The following TMEM242 variants were observed in gnomAD, a reference collection of about 807,000 sequenced individuals.
TMEM242 encodes the protein transmembrane protein 242.
In TMEM242, 10 loss-of-function variants were observed where a neutral mutation model predicts 18.2. The observed-to-expected ratio is 0.55, with a 90% CI of 0.34 to 0.93. The LOEUF is 0.93. Among genes scored for constraint, TMEM242 ranks in the 40% least tolerant of loss-of-function variants. The probability of loss-of-function intolerance (pLI) is 0.02; values close to 1 mark genes in which losing one functional copy is unlikely to be tolerated. For missense variants in TMEM242, 186 were observed against 175.5 expected (o/e 1.06, Z -0.34); for synonymous variants, 57 against 69.9 (o/e 0.81, Z 0.92).
rs587746113 is a variant in TMEM242 at position 157,306,215 on chromosome 6, G to A, written c.327+12567C>T. Among the ~76,000 whole-genome samples, 7 of 152,322 alleles carry A rather than the reference G, an allele frequency of 4.6e-5. No individual in the cohort carries two copies. In the East Asian group the frequency reaches 9.6e-4, roughly 21 times the overall value. On this transcript the variant is annotated intron_variant, in intron 3 of 3. Coordinates refer to ENST00000400788, the MANE Select transcript of TMEM242 (RefSeq NM_018452.6). ...GGTAACAGGAAGAAAGGCAGTGTGC[G>A]TGTTAAGTCCAGAGAAGGTGAAGGC...
chr6:157,303,405 A>G (rs957058518), intron 3 of TMEM242, among the ~76,000 whole-genome samples: 1 of 152,256 alleles, frequency 6.6e-6, no homozygotes, highest in Non-Finnish European at 1.5e-5. Flanking sequence ...ATATATTTCA[A>G]GTAAAGCTTT....
chr6:157,312,727 T>C (rs201615292), intron 3 of TMEM242, among the ~76,000 whole-genome samples: 27,921 of 141,054 alleles, frequency 0.2, 649 homozygotes, highest in East Asian at 0.41. Context: ...CTCATCTTAC[T>C]GTCCCAGTGT....
At chr6:157,311,280 G>A (rs797038419) in intron 3 of TMEM242, among the ~76,000 whole-genome samples, 1 of 7,748 alleles carries the variant, frequency 1.3e-4, no homozygotes, top group Non-Finnish European at 2.4e-4. Context: ...GTGCCCCCGT[G>A]TGCACACACC....
chr6:157,299,407 C>CCAT, intron 3 of TMEM242: 1 of 1,268,526 alleles, frequency 7.9e-7, no homozygotes, highest in South Asian at 1.2e-5. Context: ...TCACTCCACT[C>CCAT]CATACAGGAA....
chr6:157,305,579 A>C lies in TMEM242; in HGVS notation c.328-12580T>G, dbSNP rs587605432. On this transcript the variant is annotated intron_variant, in intron 3 of 3. Transcript: ENST00000400788. The surrounding 1 kb of genome is among the most constrained non-coding windows in gnomAD (Gnocchi z 4.1). The stretch of plus-strand genomic sequence containing the variant: ...TACTGTTTGTTTTAAAGTGGCAGGG[A>C]CTGGACGAAAGAGCCAAGGGGCGGA... Among the ~76,000 whole-genome samples, 14 of 152,302 alleles carry C rather than the reference A, an allele frequency of 9.2e-5. No homozygotes were observed. The South Asian group carries it at 2.9e-3, about 32-fold the overall frequency.
Position 157,318,903 on chromosome 6 carries a change from G to C in TMEM242, c.206C>G (p.Ala69Gly). 1 of 1,606,108 alleles carries C rather than the reference G, an allele frequency of 6.2e-7. No individual in the cohort carries two copies. Among genetic ancestry groups the C allele is most frequent in the Non-Finnish European group, 8.5e-7 (1 of 1,177,168 alleles). Residue 69 changes from alanine (A) to glycine (G), a missense_variant, in exon 3 of 4, where the codon GCT (alanine) becomes GGT (glycine). Coordinates refer to ENST00000400788, the MANE Select transcript of TMEM242 (RefSeq NM_018452.6). ...EWFNKGSMAT[A>G]ALPESGSSLA... The stretch of plus-strand genomic sequence containing the variant: ...GGAAGACCCGCTTTCCGGTAATGCA[G>C]CCGTGGCCATACTTCCCTGAAATGA...
At chr6:157,297,475 C>T (rs1777765830) in intron 3 of TMEM242, among the ~76,000 whole-genome samples, 2 of 152,132 alleles carry the variant, frequency 1.3e-5, no homozygotes, top group African/African-American at 4.8e-5. Context: ...TCTCAAATTC[C>T]GCAGCTGAGC....
At chr6:157,301,907 G>A (rs931459429) in intron 3 of TMEM242, among the ~76,000 whole-genome samples, 1 of 152,126 alleles carries the variant, frequency 6.6e-6, no homozygotes, top group Non-Finnish European at 1.5e-5. Context: ...ACTCCAGCCT[G>A]GGCGATAGAG....
intron 3 of TMEM242, among the ~76,000 whole-genome samples, chr6:157,294,592 C>T (rs1030656649): frequency 1.3e-5 from 2 of 151,956 alleles, no homozygotes; most frequent in Non-Finnish European, 2.9e-5. Flanking sequence ...CCTCGTGATC[C>T]GCCCGCCTCG....
At chr6:157,313,245 AGT>A (rs1562386057) in intron 3 of TMEM242, among the ~76,000 whole-genome samples, 3 of 2,014 alleles carry the variant, frequency 1.5e-3, no homozygotes, top group African/African-American at 4.4e-3. Flanking sequence ...AGTGTCGCAG[AGT>A]GTGCTCACCT....
At chr6:157,313,359 T>C (rs200925443) in intron 3 of TMEM242, among the ~76,000 whole-genome samples, 38 of 3,274 alleles carry the variant, frequency 0.012, no homozygotes, top group East Asian at 0.016. Flanking sequence ...TGCGCTCACC[T>C]GGCCTCATCA....
At chr6:157,298,823 A>G (rs1355910834) in intron 3 of TMEM242, among the ~76,000 whole-genome samples, 2 of 152,242 alleles carry the variant, frequency 1.3e-5, no homozygotes, top group Non-Finnish European at 2.9e-5. Context: ...AAGTGCTGCT[A>G]CATCAGGGGT....
At chr6:157,317,314 G>A (rs1289694117) in intron 3 of TMEM242, among the ~76,000 whole-genome samples, 1 of 152,128 alleles carries the variant, frequency 6.6e-6, no homozygotes, top group Admixed American at 6.5e-5. Context: ...GCCAAACCGG[G>A]TGAATCATCA....
intron 3 of TMEM242, among the ~76,000 whole-genome samples, chr6:157,313,312 G>A (rs868988880): frequency 1.6e-5 from 1 of 62,370 alleles, no homozygotes. Context: ...TAGTGTCCCA[G>A]TGTGCGCTCA....
At chr6:157,321,415 ATAC>A (rs1778494881) in intron 2 of TMEM242, among the ~76,000 whole-genome samples, 1 of 152,214 alleles carries the variant, frequency 6.6e-6, no homozygotes, top group Non-Finnish European at 1.5e-5. Flanking sequence ...CTGTTAAGTA[ATAC>A]TGGCTTTAAA....
Position 157,305,957 on chromosome 6 carries a change from G to C in TMEM242, c.327+12825C>G, listed in dbSNP as rs1777912390. On this transcript the variant is annotated intron_variant, in intron 3 of 3. Transcript: ENST00000400788. This position sits in a 1 kb window ranked among gnomAD's most constrained non-coding sequence, Gnocchi z 4.1. ...CGGGAAGCTTTTTGTGTAAAGGGGA[G>C]CAGATAAATGGGCTGGTAGCTGGAG... Among the ~76,000 whole-genome samples the C allele has an allele frequency of 6.6e-6, 1 of 152,206 alleles. No homozygotes were observed. Among genetic ancestry groups the C allele is most frequent in the Non-Finnish European group, 1.5e-5 (1 of 68,040 alleles).
intron 3 of TMEM242, 86 bp from the exon 4 acceptor site, chr6:157,293,085 G>T: frequency 2.3e-6 from 2 of 870,506 alleles, no homozygotes; most frequent in Non-Finnish European, 1.9e-6. Context: ...TGACTGGCTA[G>T]TACTTCACTG....
At chr6:157,315,792 C>T (rs1201924683) in intron 3 of TMEM242, among the ~76,000 whole-genome samples, 2 of 152,166 alleles carry the variant, frequency 1.3e-5, no homozygotes, top group Admixed American at 6.5e-5. Context: ...GCTGGGCAAA[C>T]GTATCTGCTT....
chr6:157,316,458 C>T (rs1381058737), intron 3 of TMEM242, among the ~76,000 whole-genome samples: 3 of 152,070 alleles, frequency 2.0e-5, no homozygotes, highest in Non-Finnish European at 4.4e-5. Context: ...TTATATTGGT[C>T]GAAAGCAAAA....
Sources: gnomAD v4.1 joint callset for allele counts (sites outside exome capture counted in the v4.1 genomes callset) on GRCh38, gnomAD v4.1.1 for gene constraint, Gnocchi (gnomAD v3.1) non-coding constraint, MANE v1.5 for transcripts, NCBI Gene and HGNC (gene_info 2026-07-23, HGNC 2026-07-21) for gene names.